Variants in CDC37L1 observed in about 807,000 individuals in gnomAD.
CDC37L1 encodes cell division cycle 37 like 1, HSP90 cochaperone, also known as hsp90 co-chaperone Cdc37-like 1.
A neutral mutation model predicts 45.9 loss-of-function variants in CDC37L1; 32 were observed. The observed-to-expected ratio is 0.70, with a 90% CI of 0.53 to 0.94. CDC37L1 has a LOEUF of 0.94. CDC37L1 is among the 40% of genes least tolerant of loss of function. The pLI is 0.00. For synonymous variants in CDC37L1, 150 were observed against 133.0 expected (o/e 1.13, Z -0.88); for missense variants, 434 against 405.7 (o/e 1.07, Z -0.60).
chr9:4,687,678 C>CAAAAAAAA (rs59932144), intron 2 of CDC37L1, among the ~76,000 whole-genome samples: 1 of 58,396 alleles, frequency 1.7e-5, no homozygotes, highest in African/African-American at 5.1e-5. Flanking sequence ...GACCCCATCT[C>CAAAAAAAA]AAAAAAAAAA....
chr9:4,706,351 G>T lies in CDC37L1; in HGVS notation c.*239G>T. ...CAGGAAGTCAAACTGGACTTTTTGTGGCTACTAAATTTGCTTTTAATCTTA... is the reference window on the plus strand; with the variant it reads ...CAGGAAGTCAAACTGGACTTTTTGTTGCTACTAAATTTGCTTTTAATCTTA... On this transcript the variant is annotated 3_prime_UTR_variant, in exon 7 of 7. Transcript: ENST00000381854. 2 of 303,408 alleles carry T rather than the reference G, an allele frequency of 6.6e-6. No individual in the cohort carries two copies. The highest frequency in any genetic ancestry group is 8.5e-5 in the South Asian group (1 of 11,736). The allele number at this position is 303,408 out of a possible 1,614,324, so 18.8% of individuals were successfully genotyped here.
chr9:4,702,977 C>G (rs999892206), intron 6 of CDC37L1: 1 of 1,035,800 alleles, frequency 9.7e-7, no homozygotes. Flanking sequence ...GACCACTGGT[C>G]TGCCTGATGC....
intron 4 of CDC37L1, among the ~76,000 whole-genome samples, chr9:4,697,505 C>T (rs566240863): frequency 6.6e-6 from 1 of 151,826 alleles, no homozygotes; most frequent in South Asian, 2.1e-4. Flanking sequence ...ATTTGAAAGT[C>T]GTATTTTAAA....
chr9:4,701,141 C>G (rs965859053), intron 5 of CDC37L1, among the ~76,000 whole-genome samples: 2 of 152,242 alleles, frequency 1.3e-5, no homozygotes, highest in Admixed American at 1.3e-4. Flanking sequence ...ATCTCTTCCA[C>G]TACTTGAACT....
intron 5 of CDC37L1, among the ~76,000 whole-genome samples, chr9:4,700,974 T>C (rs1044620059): frequency 1.2e-4 from 18 of 152,044 alleles, no homozygotes; most frequent in African/African-American, 4.3e-4. Context: ...TCTTATAAAG[T>C]GAGGTGCTAA....
rs981230079 is a variant in CDC37L1, at chr9:4,679,632, G to A, written c.-136G>A. 3.9e-6 allele frequency: 3 copies of A among 761,374 alleles called. No homozygotes were observed. In the African/African-American group the frequency reaches 5.4e-5, roughly 14 times the overall value. The allele number at this position is 761,374 out of a possible 1,614,324, so 47.2% of individuals were successfully genotyped here. Reference sequence around the variant, plus strand: ...CGGGTGTGCAGCGGCGTCGCGGCCAGTAGAGGGATTCTGGGTAACGGCCCG... The same window carrying A: ...CGGGTGTGCAGCGGCGTCGCGGCCAATAGAGGGATTCTGGGTAACGGCCCG... On this transcript the variant is annotated 5_prime_UTR_variant, in exon 1 of 7. Transcript: ENST00000381854.
Position 4,701,938 on chromosome 9 carries a change from T to C in CDC37L1, c.822T>C (p.Ser274=), listed in dbSNP as rs766764412. Residue 274 remains serine (S), a synonymous_variant, in exon 6 of 7, where the codon TCT becomes TCC. Coordinates refer to ENST00000381854, the MANE Select transcript of CDC37L1 (RefSeq NM_017913.4). ...EAFKSRVRLY[S]QSQSFQPMTV... ...TCAAGTCAAGAGTAAGACTTTATTC[T>C]CAATCACAAAGTTTTCAACCTATGA... 6 of 1,596,170 alleles carry C rather than the reference T, an allele frequency of 3.8e-6. No individual in the cohort carries two copies. Among genetic ancestry groups the C allele is most frequent in the Non-Finnish European group, 4.3e-6 (5 of 1,172,346 alleles).
chr9:4,679,936 G>A (rs750851747), intron 1 of CDC37L1, 37 bp downstream of exon 1: 2 of 1,610,104 alleles, frequency 1.2e-6, no homozygotes, highest in Non-Finnish European at 1.7e-6. Flanking sequence ...GGGATGGAGT[G>A]GTGCTGTCGC....
At chr9:4,689,518 C>A (rs770440846) in intron 3 of CDC37L1, among the ~76,000 whole-genome samples, 3 of 151,772 alleles carry the variant, frequency 2.0e-5, no homozygotes, top group Non-Finnish European at 4.4e-5. Context: ...TTTTCCCTTC[C>A]TTTTATGTAA....
In CDC37L1 at chr9:4,708,160, A is replaced by G. The variant is rs1841464567; in HGVS notation, c.*2048A>G. On this transcript the variant is annotated 3_prime_UTR_variant, in exon 7 of 7. Transcript: ENST00000381854. ...ACATAGTTAGCCGTACTTTAGTACT[A>G]GAAACAGTAAATTGACATCCTTGAA... 1 of 152,268 alleles carries G rather than the reference A, an allele frequency of 6.6e-6. No individual in the cohort carries two copies. The highest frequency in any genetic ancestry group is 6.5e-5 in the Admixed American group (1 of 15,290). 9.4% of individuals were successfully genotyped at this position (152,268 alleles called of 1,614,324 possible). A position where few individuals can be genotyped will look rare whatever the true frequency, so the allele number is the denominator to read the frequency against.
chr9:4,701,767 C>T, intron 5 of CDC37L1, 97 bp from the exon 6 acceptor site: 2 of 782,622 alleles, frequency 2.6e-6, no homozygotes, highest in South Asian at 3.8e-5. Flanking sequence ...CTTGTCATTA[C>T]TTCCTCCACT....
At chr9:4,684,759 C>A in intron 1 of CDC37L1, 118 bp from the exon 2 acceptor site, 1 of 666,716 alleles carries the variant, frequency 1.5e-6, no homozygotes, top group Non-Finnish European at 2.5e-6. Context: ...ACCTAGAACA[C>A]AGGATATACT....
chr9:4,697,385 T>C (rs533348874), intron 4 of CDC37L1, among the ~76,000 whole-genome samples, 174 bp downstream of exon 4: 1 of 152,176 alleles, frequency 6.6e-6, no homozygotes, highest in South Asian at 2.1e-4. Context: ...TGTGGGATTT[T>C]GTTGTTGTTG....
intron 3 of CDC37L1, among the ~76,000 whole-genome samples, chr9:4,694,608 C>T (rs563255516): frequency 6.6e-6 from 1 of 152,218 alleles, no homozygotes; most frequent in Admixed American, 6.5e-5. Flanking sequence ...AGTGGTGGCT[C>T]ACACCTGCAA....
intron 3 of CDC37L1, among the ~76,000 whole-genome samples, chr9:4,690,123 T>C (rs1841287321): frequency 6.6e-6 from 1 of 152,150 alleles, no homozygotes; most frequent in Admixed American, 6.5e-5. Context: ...TGCTTCTGGG[T>C]AGTGATGTTC....
intron 5 of CDC37L1, 74 bp from the exon 6 acceptor site, chr9:4,701,790 T>A: frequency 8.6e-7 from 1 of 1,156,698 alleles, no homozygotes; most frequent in Non-Finnish European, 1.2e-6. Flanking sequence ...AAACCTGTTA[T>A]ATGCTTTCTG....
At chr9:4,689,804 C>G (rs1316231393) in intron 3 of CDC37L1, among the ~76,000 whole-genome samples, 1 of 152,176 alleles carries the variant, frequency 6.6e-6, no homozygotes, top group African/African-American at 2.4e-5. Context: ...CCACTCCCGC[C>G]TACAGTCCTT....
At chr9:4,702,112 TAA>T in intron 6 of CDC37L1, 84 bp downstream of exon 6, 1 of 575,908 alleles carries the variant, frequency 1.7e-6, no homozygotes, top group Non-Finnish European at 2.8e-6. Flanking sequence ...TTTTTTTTTT[TAA>T]TATGTGCTAC....
intron 3 of CDC37L1, 114 bp from the exon 4 acceptor site, chr9:4,696,982 G>T: frequency 5.0e-6 from 3 of 602,702 alleles, no homozygotes; most frequent in Non-Finnish European, 8.9e-6. Context: ...TCTTTAAAGA[G>T]AATCATTTAA....
Sources: allele counts gnomAD v4.1 joint callset (sites outside exome capture counted in the v4.1 genomes callset), GRCh38; gene constraint gnomAD v4.1.1; transcripts MANE v1.5; gene names NCBI Gene and HGNC (gene_info 2026-07-23, HGNC 2026-07-21).